ZCCHC4: variants seen among roughly 807,000 people sequenced by gnomAD.
ZCCHC4 encodes the protein rRNA N(6)-adenosine-methyltransferase ZCCHC4.
In ZCCHC4, 54 loss-of-function variants were observed where a neutral mutation model predicts 67.7. That is an observed-to-expected ratio of 0.80 (90% CI 0.64 to 1.00). ZCCHC4 has a LOEUF of 1.00. ZCCHC4 is among the 50% of genes least tolerant of loss of function. The pLI, the probability that ZCCHC4 is intolerant of heterozygous loss-of-function variation, is 0.00. For missense variants in ZCCHC4, 609 were observed against 617.0 expected (o/e 0.99, Z 0.14); for synonymous variants, 198 against 213.5 (o/e 0.93, Z 0.63).
chr4:25,314,314 A>G (rs942197076), intron 2 of ZCCHC4, 150 bp downstream of exon 2: 26 of 592,282 alleles, frequency 4.4e-5, no homozygotes, highest in Admixed American at 5.6e-5. Context: ...GGTTCAGAAA[A>G]TGAGTTCATG....
rs555934428 is a variant in ZCCHC4, at chr4:25,313,910, C to G, written c.128-136C>G. 18 of 609,956 alleles carry G rather than the reference C, an allele frequency of 3.0e-5. No individual in the cohort carries two copies. In the Middle Eastern group the frequency reaches 1.1e-3, roughly 38 times the overall value. 37.8% of individuals were successfully genotyped at this position (609,956 alleles called of 1,614,324 possible). On this transcript the variant is annotated intron_variant, in intron 1 of 12. Coordinates refer to ENST00000302874, the MANE Select transcript of ZCCHC4 (RefSeq NM_024936.3). ...CCTAACAAAACAAAAAACAACCAACCAAAGAGATGGATTTAATTATGATAA... is the reference window on the plus strand; with the variant it reads ...CCTAACAAAACAAAAAACAACCAACGAAAGAGATGGATTTAATTATGATAA...
rs556345451 is a variant in ZCCHC4, at chr4:25,353,337, T to C, written c.1011+1648T>C. ...GCATTAACAGGTTTTGTTCTAAAAG[T>C]GTGTAGCACAAGCCATTTTATACTT... is the stretch of plus-strand genomic sequence containing the variant. On this transcript the variant is annotated intron_variant, in intron 8 of 12. Coordinates refer to ENST00000302874, the MANE Select transcript of ZCCHC4 (RefSeq NM_024936.3). 3.9e-5 allele frequency among the ~76,000 whole-genome samples: 6 copies of C among 152,344 alleles called. No homozygotes were observed. The East Asian group carries it at 7.7e-4, about 20-fold the overall frequency.
At chr4:25,319,080 T>G (rs1457192397) in intron 3 of ZCCHC4, among the ~76,000 whole-genome samples, 3 of 152,112 alleles carry the variant, frequency 2.0e-5, no homozygotes, top group African/African-American at 7.2e-5. Flanking sequence ...AACTACAGTA[T>G]TCATAGAAAA....
At chr4:25,353,697 CACTT>C (rs955081130) in intron 8 of ZCCHC4, among the ~76,000 whole-genome samples, 1 of 152,154 alleles carries the variant, frequency 6.6e-6, no homozygotes, top group African/African-American at 2.4e-5. Context: ...CTGGTGCTGG[CACTT>C]ACTTAACCCC....
At chr4:25,345,907 C>T (rs1719986039) in intron 6 of ZCCHC4, among the ~76,000 whole-genome samples, 1 of 152,184 alleles carries the variant, frequency 6.6e-6, no homozygotes, top group Non-Finnish European at 1.5e-5. Flanking sequence ...TCCCCTCTCC[C>T]TGTTTCCCCT....
chr4:25,365,167 G>A lies in ZCCHC4; in HGVS notation c.1406+1G>A. 6.2e-7 allele frequency: 1 copy of A among 1,613,832 alleles called. No homozygotes were observed. The highest frequency in any genetic ancestry group is 8.5e-7 in the Non-Finnish European group (1 of 1,179,892). On this transcript the variant is annotated splice_donor_variant, in intron 12 of 12. Coordinates refer to ENST00000302874, the MANE Select transcript of ZCCHC4 (RefSeq NM_024936.3). LOFTEE classifies it high-confidence loss of function. ...TTGCTACATCTAAGAGAGCTAACAAGTCAGTCGAATACTTTACTAGAAAAA... is the reference window on the plus strand; with the variant it reads ...TTGCTACATCTAAGAGAGCTAACAAATCAGTCGAATACTTTACTAGAAAAA...
At chr4:25,318,376 G>T (rs10019299) in intron 3 of ZCCHC4, among the ~76,000 whole-genome samples, 41,956 of 83,150 alleles carry the variant, frequency 0.5, 8,916 homozygotes, top group Non-Finnish European at 0.58. Context: ...TTTTTTTTGA[G>T]CTACAGTTTC....
At chr4:25,324,014 G>GTTTTTTTTTTGTTT (rs1718724938) in intron 3 of ZCCHC4, among the ~76,000 whole-genome samples, 2 of 82,430 alleles carry the variant, frequency 2.4e-5, no homozygotes, top group South Asian at 4.1e-4. Context: ...TGTTTTTTGT[G>GTTTTTTTTTTGTTT]TTTTTTTTTT....
At chr4:25,345,262 G>A (rs1439554087) in intron 5 of ZCCHC4, among the ~76,000 whole-genome samples, 1 of 152,172 alleles carries the variant, frequency 6.6e-6, no homozygotes, top group Non-Finnish European at 1.5e-5. Context: ...TCATCTGTCA[G>A]TAACCTGATT....
chr4:25,333,222 G>GT lies in ZCCHC4; in HGVS notation c.373dup (p.Cys125LeufsTer12), dbSNP rs1560404171. On this transcript the variant is annotated frameshift_variant, in exon 4 of 13. Coordinates refer to ENST00000302874, the MANE Select transcript of ZCCHC4 (RefSeq NM_024936.3). LOFTEE classifies it high-confidence loss of function. Reference sequence around the variant, plus strand: ...TTGAGTTGCCCTTGACTCAGAGAAAGTTTTGTCAAACATGTCAGCAGTTGT... The same window carrying GT: ...TTGAGTTGCCCTTGACTCAGAGAAAGTTTTTGTCAAACATGTCAGCAGTTGT... The GT allele has an allele frequency of 6.2e-7, 1 of 1,614,154 alleles. No individual in the cohort carries two copies. The highest frequency in any genetic ancestry group is 8.5e-7 in the Non-Finnish European group (1 of 1,180,008).
Position 25,333,182 on chromosome 4 carries a change from G to A in ZCCHC4, c.330-1G>A. The A allele has an allele frequency of 6.2e-7, 1 of 1,608,124 alleles. No homozygotes were observed. Among genetic ancestry groups the A allele is most frequent in the Non-Finnish European group, 8.5e-7 (1 of 1,175,764 alleles). Reference sequence around the variant, plus strand: ...TCTTTGTGTTTTATTTTGTCTTGAAGGTACTTGAAGTTTATTGAGTTGCCC... The same window carrying A: ...TCTTTGTGTTTTATTTTGTCTTGAAAGTACTTGAAGTTTATTGAGTTGCCC... On this transcript the variant is annotated splice_acceptor_variant, in intron 3 of 12. Transcript: ENST00000302874. LOFTEE classifies it high-confidence loss of function.
intron 2 of ZCCHC4, among the ~76,000 whole-genome samples, chr4:25,315,069 G>A (rs73252579): frequency 0.083 from 12,675 of 152,176 alleles, 606 homozygotes; most frequent in East Asian, 0.16. Context: ...CTTGGTTTGT[G>A]TCCACCTTTT....
At chr4:25,368,246 G>C (rs1219195006) in intron 12 of ZCCHC4, among the ~76,000 whole-genome samples, 3 of 152,146 alleles carry the variant, frequency 2.0e-5, no homozygotes, top group Non-Finnish European at 4.4e-5. Flanking sequence ...TCCTGGTTTG[G>C]CATTGTTGTA....
chr4:25,338,428 A>G (rs1041221521), intron 5 of ZCCHC4, among the ~76,000 whole-genome samples: 7 of 152,312 alleles, frequency 4.6e-5, no homozygotes, highest in Admixed American at 3.9e-4. Context: ...TATATTTTAC[A>G]TACATAAAAC....
chr4:25,320,832 G>T (rs1191455147), intron 3 of ZCCHC4, among the ~76,000 whole-genome samples: 7 of 152,166 alleles, frequency 4.6e-5, no homozygotes, highest in African/African-American at 1.7e-4. Flanking sequence ...AATTGACAAG[G>T]CACAAAGATG....
rs1300744305 is a variant in ZCCHC4 at position 25,359,325 on chromosome 4, G to A, written c.1012-2534G>A. The stretch of plus-strand genomic sequence containing the variant: ...TACAGATAAGGGCCCACCAGGTACA[G>A]ATGGGGCACCTGGAGGCCTGGCTAC... On this transcript the variant is annotated intron_variant, in intron 8 of 12. Coordinates refer to ENST00000302874, the MANE Select transcript of ZCCHC4 (RefSeq NM_024936.3). This position sits in a 1 kb window ranked among gnomAD's most constrained non-coding sequence, Gnocchi z 4.9. Among the ~76,000 whole-genome samples the A allele has an allele frequency of 6.6e-6, 1 of 152,192 alleles. No individual in the cohort carries two copies. The highest frequency in any genetic ancestry group is 1.9e-4 in the East Asian group (1 of 5,190).
chr4:25,349,301 GA>G (rs1243376702), intron 6 of ZCCHC4, among the ~76,000 whole-genome samples, 190 bp from the exon 7 acceptor site: 1 of 152,136 alleles, frequency 6.6e-6, no homozygotes. Context: ...GCTTATCAAA[GA>G]ACCCAAAGAT....
intron 3 of ZCCHC4, among the ~76,000 whole-genome samples, chr4:25,315,806 T>C (rs1360259358): frequency 1.3e-5 from 2 of 151,564 alleles, no homozygotes; most frequent in Non-Finnish European, 2.9e-5. Flanking sequence ...CTCAACCTCC[T>C]GGGCTCAACC....
At chr4:25,339,669 A>G (rs1719630707) in intron 5 of ZCCHC4, among the ~76,000 whole-genome samples, 1 of 152,182 alleles carries the variant, frequency 6.6e-6, no homozygotes, top group Non-Finnish European at 1.5e-5. Context: ...TATCAGATAT[A>G]TGATTTGCTA....
Sources: gnomAD v4.1 joint callset for allele counts (sites outside exome capture counted in the v4.1 genomes callset) on GRCh38, gnomAD v4.1.1 for gene constraint, Gnocchi (gnomAD v3.1) non-coding constraint, MANE v1.5 for transcripts, NCBI Gene and HGNC (gene_info 2026-07-23, HGNC 2026-07-21) for gene names.